Variants in UEVLD observed in about 807,000 individuals in gnomAD.
UEVLD encodes the protein UEV and lactate/malate dehyrogenase domains, also known as ubiquitin-conjugating enzyme E2 variant 3.
UEVLD carries 47 observed loss-of-function variants against 58.6 expected under a neutral mutation model. That is an observed-to-expected ratio of 0.80 (90% CI 0.63 to 1.02). The LOEUF (loss-of-function observed/expected upper bound fraction) is 1.02. Ranked by LOEUF, UEVLD falls within the 50% of genes least tolerant of loss-of-function variation. The pLI is 0.00. For synonymous variants in UEVLD, 197 were observed against 195.3 expected (o/e 1.01, Z -0.07); for missense variants, 510 against 550.6 (o/e 0.93, Z 0.74).
At chr11:18,573,995 C>T (rs986820412) in intron 3 of UEVLD, among the ~76,000 whole-genome samples, 3 of 152,114 alleles carry the variant, frequency 2.0e-5, no homozygotes, top group South Asian at 2.1e-4. Flanking sequence ...TTTCAAATGC[C>T]CCAGTAAGCC....
At chr11:18,565,072 TA>T in intron 5 of UEVLD, 62 bp from the exon 6 acceptor site, 107 of 1,233,032 alleles carry the variant, frequency 8.7e-5, no homozygotes, top group South Asian at 1.0e-4. Context: ...TTAGGATCTT[TA>T]AAAAAAATAT....
intron 9 of UEVLD, among the ~76,000 whole-genome samples, chr11:18,537,787 C>T (rs1343439495): frequency 6.6e-6 from 1 of 151,462 alleles, no homozygotes; most frequent in Non-Finnish European, 1.5e-5. Flanking sequence ...CTCAGCCTCC[C>T]AACTAGCTGG....
At chr11:18,571,425 TC>T (rs1852606045) in intron 3 of UEVLD, among the ~76,000 whole-genome samples, 1 of 152,102 alleles carries the variant, frequency 6.6e-6, no homozygotes, top group African/African-American at 2.4e-5. Context: ...CCAATGCCCC[TC>T]CCCAGCAGTA....
At chr11:18,539,504 G>T (rs916535850) in intron 9 of UEVLD, among the ~76,000 whole-genome samples, 1 of 152,178 alleles carries the variant, frequency 6.6e-6, no homozygotes, top group African/African-American at 2.4e-5. Flanking sequence ...TTAAAAATTT[G>T]TTACATTGGG....
intron 3 of UEVLD, among the ~76,000 whole-genome samples, chr11:18,574,476 C>T (rs948207791): frequency 7.2e-5 from 11 of 152,174 alleles, no homozygotes; most frequent in Non-Finnish European, 1.5e-4. Flanking sequence ...TCAGGCACCA[C>T]TTCAGATAAA....
intron 10 of UEVLD, among the ~76,000 whole-genome samples, chr11:18,535,694 A>C (rs1423734439): frequency 6.6e-6 from 1 of 151,750 alleles, no homozygotes; most frequent in African/African-American, 2.4e-5. Flanking sequence ...TAAAAGCAAA[A>C]GATACAAGGA....
At chr11:18,532,659 A>G (rs1850617159) in intron 11 of UEVLD, among the ~76,000 whole-genome samples, 172 bp from the exon 12 acceptor site, 1 of 152,196 alleles carries the variant, frequency 6.6e-6, no homozygotes, top group Non-Finnish European at 1.5e-5. Flanking sequence ...CCTCACAATC[A>G]TTCATTGATT....
chr11:18,545,895 T>C (rs1039779305), intron 8 of UEVLD, among the ~76,000 whole-genome samples: 22 of 152,228 alleles, frequency 1.4e-4, no homozygotes, highest in Non-Finnish European at 2.9e-5. Context: ...TTAAACTGAA[T>C]TTCTATCTTT....
chr11:18,581,085 C>T (rs1853214183), intron 1 of UEVLD, among the ~76,000 whole-genome samples: 1 of 151,212 alleles, frequency 6.6e-6, no homozygotes, highest in African/African-American at 2.4e-5. Flanking sequence ...TCGCTTAAAC[C>T]CAGGAGGCGG....
chr11:18,574,057 A>C (rs530747832), intron 3 of UEVLD, among the ~76,000 whole-genome samples: 1 of 152,340 alleles, frequency 6.6e-6, no homozygotes, highest in South Asian at 2.1e-4. Context: ...ACTGTTCAAC[A>C]AATACCAAAA....
intron 9 of UEVLD, among the ~76,000 whole-genome samples, chr11:18,537,388 A>G (rs7952284): frequency 0.37 from 54,123 of 145,612 alleles, 10,482 homozygotes; most frequent in East Asian, 0.66. Flanking sequence ...CTGGTGTGCA[A>G]TGGTGTGATC....
intron 7 of UEVLD, 84 bp downstream of exon 7, chr11:18,558,144 T>C: frequency 1.1e-6 from 1 of 930,252 alleles, no homozygotes; most frequent in Non-Finnish European, 1.6e-6. Context: ...AAGGTGATCT[T>C]TAAGGTGCTT....
At position 18,561,498 on chromosome 11, in the gene UEVLD, G is replaced by T. The variant is rs998079191; in HGVS notation, c.613-3168C>A. On this transcript the variant is annotated intron_variant, in intron 6 of 11. Transcript: ENST00000396197. The stretch of plus-strand genomic sequence containing the variant: ...TGTAATCCCAGCTACTTGGGAGGCT[G>T]AGGTGGGAGAATCGCTTGAACCCGG... 2.0e-5 allele frequency among the ~76,000 whole-genome samples: 3 copies of T among 151,564 alleles called. No homozygotes were observed. The South Asian group carries it at 6.2e-4, about 31-fold the overall frequency.
chr11:18,579,101 T>G (rs1853098878), intron 1 of UEVLD, among the ~76,000 whole-genome samples: 1 of 152,012 alleles, frequency 6.6e-6, no homozygotes, highest in African/African-American at 2.4e-5. Context: ...ACTCCTGACC[T>G]CGTGATCTGC....
At chr11:18,539,244 T>C (rs1316038887) in intron 9 of UEVLD, 1 of 151,608 alleles carries the variant, frequency 6.6e-6, no homozygotes, top group Non-Finnish European at 1.5e-5. Context: ...CTAATTTGTA[T>C]TTTTAGTAGA....
chr11:18,575,360 A>G lies in UEVLD; in HGVS notation c.180T>C (p.Pro60=). The G allele has an allele frequency of 6.2e-7, 1 of 1,608,584 alleles. No individual in the cohort carries two copies. The highest frequency in any genetic ancestry group is 8.5e-7 in the Non-Finnish European group (1 of 1,178,684). The change falls in exon 3 of 12, where the codon CCT becomes CCC. Residue 60 remains proline, a synonymous_variant. Coordinates refer to ENST00000396197, the MANE Select transcript of UEVLD (RefSeq NM_001040697.4). The part of the protein sequence containing the change: ...KDLLNFTGTI[P]VMYQGNTYNI... Reference sequence around the variant, plus strand: ...TTCCACACTTACCCTGATACATCACAGGAATTGTGCCAGTAAAATTCAGCA... The same window carrying G: ...TTCCACACTTACCCTGATACATCACGGGAATTGTGCCAGTAAAATTCAGCA...
intron 11 of UEVLD, 41 bp from the exon 12 acceptor site, chr11:18,532,528 T>G (rs747819286): frequency 1.4e-6 from 2 of 1,459,472 alleles, no homozygotes; most frequent in East Asian, 2.4e-5. Flanking sequence ...ACTAAATCAT[T>G]GCAAAGAAGT....
At chr11:18,536,895 CTTT>C (rs370747121) in intron 9 of UEVLD, 137 of 139,822 alleles carry the variant, frequency 9.8e-4, no homozygotes, top group South Asian at 2.1e-3. Context: ...AATCCTGTTC[CTTT>C]TTTTTTTTTT....
chr11:18,543,144 GC>G (rs1252875105), intron 9 of UEVLD, among the ~76,000 whole-genome samples: 1 of 152,032 alleles, frequency 6.6e-6, no homozygotes, highest in Non-Finnish European at 1.5e-5. Context: ...ATCCACCTTG[GC>G]CTCCCAAAGT....
Sources: allele counts gnomAD v4.1 joint callset (sites outside exome capture counted in the v4.1 genomes callset), GRCh38; gene constraint gnomAD v4.1.1; transcripts MANE v1.5; gene names NCBI Gene and HGNC (gene_info 2026-07-23, HGNC 2026-07-21).